The following ABCA12 variants were observed in gnomAD, a reference collection of about 807,000 sequenced individuals.
ABCA12 encodes ATP binding cassette subfamily A member 12.
ABCA12 carries 156 observed loss-of-function variants against 293.5 expected under a neutral mutation model. That is an observed-to-expected ratio of 0.53 (90% CI 0.47 to 0.61). The LOEUF is 0.61. ABCA12 is among the 20% of genes least tolerant of loss of function. The pLI, the probability that ABCA12 is intolerant of heterozygous loss-of-function variation, is 0.00. For synonymous variants in ABCA12, 1,063 were observed against 1,108.0 expected, an observed-to-expected ratio of 0.96 and a Z score of 0.81; for missense variants, 2,797 against 3,090.2, an observed-to-expected ratio of 0.91 and a Z score of 2.25.
chr2:214,958,467 A>G lies in ABCA12; in HGVS notation c.5940-13T>C, dbSNP rs1373827062. ...TAAACTGCTGATTCTAGAGTGAGCAATAGGGAGAGGAAAACACACATAAGT... is the reference window on the plus strand; with the variant it reads ...TAAACTGCTGATTCTAGAGTGAGCAGTAGGGAGAGGAAAACACACATAAGT... On this transcript the variant is annotated splice_polypyrimidine_tract_variant and intron_variant, in intron 40 of 52. Coordinates refer to ENST00000272895, the MANE Select transcript of ABCA12 (RefSeq NM_173076.3). The G allele has an allele frequency of 4.8e-5, 78 of 1,613,354 alleles. No homozygotes were observed. The highest frequency in any genetic ancestry group is 1.6e-4 in the Middle Eastern group (1 of 6,076).
At chr2:215,028,294 A>G (rs1700794490) in intron 9 of ABCA12, among the ~76,000 whole-genome samples, 1 of 152,218 alleles carries the variant, frequency 6.6e-6, no homozygotes, top group Admixed American at 6.5e-5. Flanking sequence ...ACAACACTGG[A>G]TCCTTGAGGA....
intron 2 of ABCA12, among the ~76,000 whole-genome samples, chr2:215,070,385 A>G (rs796300182): frequency 3.9e-5 from 6 of 151,930 alleles, no homozygotes; most frequent in African/African-American, 1.5e-4. Context: ...TCTTTTTTTT[A>G]AATGTTTTTA....
At chr2:215,048,627 C>T (rs1171091450) in intron 6 of ABCA12, among the ~76,000 whole-genome samples, 1 of 152,088 alleles carries the variant, frequency 6.6e-6, no homozygotes, top group African/African-American at 2.4e-5. Flanking sequence ...TACTTGAACC[C>T]AGGAGGCGGA....
intron 8 of ABCA12, among the ~76,000 whole-genome samples, chr2:215,032,963 T>C (rs1700911481): frequency 6.6e-6 from 1 of 152,204 alleles, no homozygotes; most frequent in Non-Finnish European, 1.5e-5. Context: ...TAAATTAGTA[T>C]GTGTGTAAAA....
At chr2:214,997,181 A>G (rs984175093) in intron 23 of ABCA12, among the ~76,000 whole-genome samples, 2 of 152,206 alleles carry the variant, frequency 1.3e-5, no homozygotes, top group East Asian at 1.9e-4. Flanking sequence ...CTTAGTTTCT[A>G]TAAGTCAGGA....
chr2:215,073,890 C>T (rs994601181), intron 2 of ABCA12, among the ~76,000 whole-genome samples: 1 of 152,178 alleles, frequency 6.6e-6, no homozygotes, highest in Non-Finnish European at 1.5e-5. Flanking sequence ...TTCCTCTAAA[C>T]CAGACTCTGG....
chr2:215,070,373 C>G (rs1195894425), intron 2 of ABCA12, among the ~76,000 whole-genome samples: 3 of 151,876 alleles, frequency 2.0e-5, no homozygotes, highest in Non-Finnish European at 2.9e-5. Context: ...AAAAATCGTT[C>G]ATCTTTTTTT....
intron 1 of ABCA12, among the ~76,000 whole-genome samples, chr2:215,124,059 A>G (rs1702867753): frequency 6.6e-6 from 1 of 152,220 alleles, no homozygotes; most frequent in Admixed American, 6.5e-5. Flanking sequence ...TTAGAATAAT[A>G]GTCTCCAATC....
intron 2 of ABCA12, among the ~76,000 whole-genome samples, chr2:215,109,487 G>A (rs771896347): frequency 1.2e-4 from 19 of 152,124 alleles, no homozygotes; most frequent in Non-Finnish European, 2.5e-4. Flanking sequence ...CATACTTTCC[G>A]TGTTTGAACC....
chr2:215,080,420 T>C (rs1365030066), intron 2 of ABCA12, among the ~76,000 whole-genome samples: 1 of 152,022 alleles, frequency 6.6e-6, no homozygotes, highest in East Asian at 1.9e-4. Flanking sequence ...TGACAATTGC[T>C]TGAACCCAGG....
chr2:215,108,752 C>G (rs767588033), intron 2 of ABCA12, among the ~76,000 whole-genome samples: 2 of 152,136 alleles, frequency 1.3e-5, no homozygotes, highest in African/African-American at 4.8e-5. Context: ...ACTGTCATCT[C>G]AAAGTTATTC....
At position 214,955,193 on chromosome 2, in the gene ABCA12, G is replaced by A. The variant is rs759367298; in HGVS notation, c.6393+9C>T. The A allele has an allele frequency of 5.6e-6, 9 of 1,613,526 alleles. No homozygotes were observed. The Admixed American group carries it at 6.7e-5, about 12-fold the overall frequency. On this transcript the variant is annotated intron_variant, in intron 43 of 52. Transcript: ENST00000272895. ...CTTTTGATAAATTCACTGAAATAAG[G>A]GACCTTACCGGATCATTAGGCTTTT...
intron 22 of ABCA12, among the ~76,000 whole-genome samples, chr2:215,000,059 A>C (rs1415814567): frequency 1.3e-5 from 2 of 152,218 alleles, no homozygotes; most frequent in Non-Finnish European, 2.9e-5. Context: ...AGAGTGAAGG[A>C]AGCATTCAGT....
chr2:214,946,544 T>C (rs571012820), intron 48 of ABCA12, among the ~76,000 whole-genome samples: 5 of 152,260 alleles, frequency 3.3e-5, no homozygotes, highest in African/African-American at 9.6e-5. Flanking sequence ...CATTATAAGC[T>C]TCTGGTATTA....
chr2:214,967,882 A>G (rs1250239499), intron 38 of ABCA12, among the ~76,000 whole-genome samples: 5 of 152,164 alleles, frequency 3.3e-5, no homozygotes, highest in African/African-American at 1.2e-4. Context: ...AAATATGTGT[A>G]GACAATTTTA....
chr2:214,980,677 A>C (rs1392615134), intron 30 of ABCA12, 34 bp from the exon 31 acceptor site: 1 of 1,613,346 alleles, frequency 6.2e-7, no homozygotes, highest in Non-Finnish European at 8.5e-7. Flanking sequence ...CAGGGAATGA[A>C]ACGTGAAAGT....
In ABCA12 at chr2:214,950,924, C is replaced by A. The variant is rs1245685640; in HGVS notation, c.6807G>T (p.Lys2269Asn). The change falls in exon 45 of 53, where the codon AAG becomes AAT. Residue 2269 changes from lysine (K) to asparagine (N), a missense_variant. By Grantham distance (94) the Lys-to-Asn change is moderately conservative (BLOSUM62 0). Around this residue, in one of 3 missense-constraint regions of ABCA12, gnomAD observed 2,130 missense variants for 2,427.0 expected, o/e 0.88. Transcript: ENST00000272895. ...LTKTYQLIHKKIIAVNNISIG... is the reference protein window; with the variant it reads ...LTKTYQLIHKNIIAVNNISIG... ...TGCTGATGTTGTTTACAGCTATAATCTTTTTGTGGATAAGTTGGTAGGTCT... is the reference window on the plus strand; with the variant it reads ...TGCTGATGTTGTTTACAGCTATAATATTTTTGTGGATAAGTTGGTAGGTCT... The A allele has an allele frequency of 6.2e-7, 1 of 1,614,118 alleles. No individual in the cohort carries two copies. The highest frequency in any genetic ancestry group is 1.7e-5 in the Admixed American group (1 of 60,012).
chr2:215,048,299 A>T (rs1701243892), intron 6 of ABCA12, among the ~76,000 whole-genome samples: 1 of 152,190 alleles, frequency 6.6e-6, no homozygotes, highest in Non-Finnish European at 1.5e-5. Context: ...CATTCAACCC[A>T]GTAATCCCAT....
At chr2:214,992,462 G>GAAAAAAAAAAAA (rs35911401) in intron 23 of ABCA12, among the ~76,000 whole-genome samples, 1 of 77,370 alleles carries the variant, frequency 1.3e-5, no homozygotes, top group Non-Finnish European at 2.1e-5. Context: ...AAAAAAAAAT[G>GAAAAAAAAAAAA]AAAAAAAAAA....
Sources: gnomAD v4.1 joint callset for allele counts (sites outside exome capture counted in the v4.1 genomes callset) on GRCh38, gnomAD v4.1.1 for gene constraint, gnomAD v4.1.1 regional missense constraint, MANE v1.5 for transcripts, NCBI Gene and HGNC (gene_info 2026-07-23, HGNC 2026-07-21) for gene names.